Variants in ALLC observed in about 807,000 individuals in gnomAD.
ALLC encodes allantoicase, also known as probable inactive allantoicase.
ALLC carries 40 observed loss-of-function variants against 45.0 expected under a neutral mutation model. The observed-to-expected ratio is 0.89, with a 90% CI of 0.69 to 1.16. ALLC has a LOEUF of 1.16. ALLC is among the 50% of genes most tolerant of loss of function. The probability of loss-of-function intolerance (pLI) is 0.00; values close to 1 mark genes in which losing one functional copy is unlikely to be tolerated. For synonymous variants in ALLC, 176 were observed against 178.1 expected, an observed-to-expected ratio of 0.99 and a Z score of 0.09; for missense variants, 488 against 493.1, an observed-to-expected ratio of 0.99 and a Z score of 0.10.
At chr2:3,654,373 C>T (rs1462314618), upstream of ALLC, among the ~76,000 whole-genome samples, 3 of 152,206 alleles carry the variant, frequency 2.0e-5, no homozygotes, top group East Asian at 1.9e-4. Context: ...GGCGCAGCCT[C>T]GGAACCACGC....
the ALLC span, among the ~76,000 whole-genome samples, chr2:3,647,312 C>T: frequency 5.7e-4 from 5 of 8,808 alleles, no homozygotes; most frequent in Admixed American, 4.5e-3. Flanking sequence ...CACACACTCA[C>T]ACACACACAC....
chr2:3,656,974 G>A (rs1466186572), upstream of ALLC, among the ~76,000 whole-genome samples: 3 of 152,200 alleles, frequency 2.0e-5, no homozygotes, highest in African/African-American at 4.8e-5. Flanking sequence ...CCGAGGCGGC[G>A]AGCGGGGGCA....
upstream of ALLC, among the ~76,000 whole-genome samples, chr2:3,657,980 A>C (rs1283520779): frequency 1.3e-5 from 2 of 152,230 alleles, no homozygotes; most frequent in Non-Finnish European, 2.9e-5. Context: ...GGCCCAGGCC[A>C]GTGGCCGGAG....
chr2:3,652,616 A>T, the ALLC span, among the ~76,000 whole-genome samples: 1 of 108,086 alleles, frequency 9.3e-6, no homozygotes, highest in Non-Finnish European at 1.7e-5. Flanking sequence ...TTGGAAATGG[A>T]GTCTCGCTCG....
At chr2:3,651,370 T>G in the ALLC span, among the ~76,000 whole-genome samples, 1 of 8,560 alleles carries the variant, frequency 1.2e-4, no homozygotes, top group African/African-American at 5.7e-4. Context: ...TGTGTGTGTG[T>G]GTGTGTGTGT....
the ALLC span, among the ~76,000 whole-genome samples, chr2:3,648,459 G>C: frequency 2.0e-5 from 3 of 152,198 alleles, no homozygotes; most frequent in African/African-American, 7.2e-5. Context: ...CACCTGCACG[G>C]CGGCATCCAC....
intron 1 of ALLC, among the ~76,000 whole-genome samples, chr2:3,668,027 A>G (rs964739489): frequency 2.0e-5 from 3 of 152,142 alleles, no homozygotes; most frequent in Admixed American, 6.5e-5. Flanking sequence ...GGCCTCCCAA[A>G]GTGCTGGGAT....
intron 7 of ALLC, among the ~76,000 whole-genome samples, chr2:3,690,191 G>A (rs1353289080): frequency 2.1e-5 from 3 of 139,896 alleles, no homozygotes; most frequent in African/African-American, 7.8e-5. Flanking sequence ...TTTACATTCA[G>A]TATTGTCATC....
chr2:3,651,559 C>A, the ALLC span, among the ~76,000 whole-genome samples: 2 of 151,856 alleles, frequency 1.3e-5, no homozygotes, highest in South Asian at 4.2e-4. Flanking sequence ...CGTGAGTTCT[C>A]ATCCTCAGTG....
intron 10 of ALLC, 54 bp from the exon 11 acceptor site, chr2:3,701,458 G>A (rs1667829689): frequency 3.9e-6 from 6 of 1,523,126 alleles, no homozygotes; most frequent in African/African-American, 2.8e-5. Context: ...TATCCTATAC[G>A]CCAAACTGAG....
Position 3,702,661 on chromosome 2 carries a change from C to T in ALLC, c.*98C>T, listed in dbSNP as rs1667896602. On this transcript the variant is annotated 3_prime_UTR_variant, in exon 12 of 12. Transcript: ENST00000252505. ...ACACCTGGTGATTTAATAAAGTGGT[C>T]GTCTCACAAATTGATCTCTGTATTT... 13 of 1,295,892 alleles carry T rather than the reference C, an allele frequency of 1.0e-5. No homozygotes were observed. The highest frequency in any genetic ancestry group is 1.2e-5 in the Non-Finnish European group (12 of 965,528). The allele number at this position is 1,295,892 out of a possible 1,614,324, so 80.3% of individuals were successfully genotyped here. A position where few individuals can be genotyped will look rare whatever the true frequency, so the allele number is the denominator to read the frequency against.
intron 1 of ALLC, among the ~76,000 whole-genome samples, chr2:3,659,587 T>C (rs565393777): frequency 1.2e-3 from 188 of 152,384 alleles, no homozygotes; most frequent in Non-Finnish European, 2.3e-3. Flanking sequence ...TGTGAGCTGC[T>C]GAGCTGGTGG....
intron 6 of ALLC, among the ~76,000 whole-genome samples, 190 bp downstream of exon 6, chr2:3,681,903 A>G (rs1453097786): frequency 2.6e-5 from 4 of 152,340 alleles, no homozygotes; most frequent in Middle Eastern, 3.4e-3. Context: ...AGTGAGCATC[A>G]TGGCCCAAAG....
rs1335365827 is a variant in ALLC, at chr2:3,697,404, G to A, written c.798G>A (p.Leu266=). Residue 266 remains leucine, a synonymous_variant, in exon 10 of 12, where the codon TTG becomes TTA. Coordinates refer to ENST00000252505, the MANE Select transcript of ALLC (RefSeq NM_018436.4). ...GTTGTGAATGGGCAGTTTTCCGATT[G>A]GCACATCCTGGAGTAATAACTCGAA... The part of the protein sequence containing the change: ...VPGCEWAVFR[L]AHPGVITRIE... The A allele has an allele frequency of 6.2e-7, 1 of 1,613,846 alleles. No homozygotes were observed. Among genetic ancestry groups the A allele is most frequent in the Admixed American group, 1.7e-5 (1 of 60,022 alleles).
intron 1 of ALLC, among the ~76,000 whole-genome samples, chr2:3,663,338 G>T (rs1666622133): frequency 6.6e-6 from 1 of 152,154 alleles, no homozygotes; most frequent in Non-Finnish European, 1.5e-5. Context: ...ACCAAACACT[G>T]CATGTTCTCG....
intron 2 of ALLC, among the ~76,000 whole-genome samples, chr2:3,672,633 C>G (rs1220084978): frequency 7.3e-6 from 1 of 136,914 alleles, no homozygotes; most frequent in Non-Finnish European, 1.6e-5. Flanking sequence ...TCCTCTGGCT[C>G]TGGTTAGATG....
chr2:3,674,639 A>G (rs1487344869), intron 3 of ALLC, among the ~76,000 whole-genome samples: 1 of 152,210 alleles, frequency 6.6e-6, no homozygotes, highest in African/African-American at 2.4e-5. Flanking sequence ...GCCCACGTAC[A>G]GCATTCATGA....
intron 1 of ALLC, among the ~76,000 whole-genome samples, chr2:3,667,010 C>T (rs1323845387): frequency 6.6e-6 from 1 of 152,184 alleles, no homozygotes; most frequent in Non-Finnish European, 1.5e-5. Flanking sequence ...GTGTTAAATA[C>T]CTAGGTGTGG....
At chr2:3,660,854 A>ATGAGTCAGGGTGGAGCAGGTGATCGGAT (rs2147990824) in intron 1 of ALLC, among the ~76,000 whole-genome samples, 1 of 150,296 alleles carries the variant, frequency 6.7e-6, no homozygotes, top group East Asian at 2.0e-4. Context: ...GGTGATCGGA[A>ATGAGTCAGGGTGGAGCAGGTGATCGGAT]TGAGTCAGGG....
Sources: allele counts gnomAD v4.1 joint callset (sites outside exome capture counted in the v4.1 genomes callset), GRCh38; gene constraint gnomAD v4.1.1; transcripts MANE v1.5; gene names NCBI Gene and HGNC (gene_info 2026-07-23, HGNC 2026-07-21).